Variants in IST1 observed in about 807,000 individuals in gnomAD.
The protein encoded by IST1 is IST1 homolog.
In IST1, 23 loss-of-function variants were observed where a neutral mutation model predicts 37.0. The observed-to-expected ratio is 0.62, with a 90% confidence interval of 0.45 to 0.88. The LOEUF (loss-of-function observed/expected upper bound fraction) is 0.88. IST1 is among the 40% of genes least tolerant of loss of function. The pLI, the probability that IST1 is intolerant of heterozygous loss-of-function variation, is 0.00. For synonymous variants in IST1, 180 were observed against 161.7 expected (o/e 1.11, Z -0.86); for missense variants, 488 against 445.4 (o/e 1.10, Z -0.86).
At chr16:71,907,331 G>T (rs569899214) in intron 1 of IST1, among the ~76,000 whole-genome samples, 3 of 148,808 alleles carry the variant, frequency 2.0e-5, no homozygotes, top group Non-Finnish European at 3.0e-5. Context: ...ATGCTGGAGT[G>T]CAGTGGTGCG....
At chr16:71,905,289 C>G (rs2037198310) in intron 1 of IST1, among the ~76,000 whole-genome samples, 1 of 151,744 alleles carries the variant, frequency 6.6e-6, no homozygotes, top group African/African-American at 2.4e-5. Flanking sequence ...CCACCTTGCC[C>G]TCCCAAAGTG....
At chr16:71,912,191 C>T (rs2037370270) in intron 1 of IST1, among the ~76,000 whole-genome samples, 1 of 152,062 alleles carries the variant, frequency 6.6e-6, no homozygotes, top group Non-Finnish European at 1.5e-5. Context: ...TTTTTCCATA[C>T]AAAATAATTT....
chr16:71,903,793 A>G (rs1009627561), intron 1 of IST1: 2 of 152,366 alleles, frequency 1.3e-5, no homozygotes, highest in African/African-American at 4.8e-5. Context: ...AATGTTCTGT[A>G]AGTGTCAGTG....
Position 71,922,688 on chromosome 16 carries a change from TATA to T in IST1, c.759+9_759+11del. ...CCACTGCCAAAGGGACCAGTAAGTA[TATA>T]TAAGTGTGGATGTAAGCTTTAGAAA... On this transcript the variant is annotated intron_variant, in intron 7 of 9. Transcript: ENST00000378799. 1 of 813,272 alleles carries T rather than the reference TATA, an allele frequency of 1.2e-6. No homozygotes were observed. Among genetic ancestry groups the T allele is most frequent in the Middle Eastern group, 3.7e-4 (1 of 2,728 alleles). The allele number at this position is 813,272 out of a possible 1,614,324, so 50.4% of individuals were successfully genotyped here.
chr16:71,908,304 T>TTTC (rs2037273448), intron 1 of IST1, among the ~76,000 whole-genome samples: 2 of 133,510 alleles, frequency 1.5e-5, no homozygotes, highest in African/African-American at 3.2e-5. Flanking sequence ...AGCTTTTTTT[T>TTTC]TTTTTTTTTT....
chr16:71,908,068 T>C (rs895666582), intron 1 of IST1, among the ~76,000 whole-genome samples: 1 of 152,038 alleles, frequency 6.6e-6, no homozygotes, highest in Admixed American at 6.6e-5. Context: ...CTCAGCCTCC[T>C]GAGAAGCTGG....
intron 4 of IST1, among the ~76,000 whole-genome samples, chr16:71,918,178 C>T (rs2142573549): frequency 6.6e-6 from 1 of 152,254 alleles, no homozygotes; most frequent in East Asian, 1.9e-4. Flanking sequence ...AAGCTGGCTG[C>T]CAGCATTTCT....
At chr16:71,914,794 C>A (rs1376730342) in intron 1 of IST1, among the ~76,000 whole-genome samples, 2 of 152,094 alleles carry the variant, frequency 1.3e-5, no homozygotes, top group Non-Finnish European at 2.9e-5. Flanking sequence ...TTTGACCTAT[C>A]TTTTGTTTGG....
intron 1 of IST1, among the ~76,000 whole-genome samples, chr16:71,898,092 T>C (rs72801778): frequency 0.049 from 7,298 of 149,266 alleles, 241 homozygotes; most frequent in Middle Eastern, 0.15. Flanking sequence ...GAAAAACCCT[T>C]GGCCAGGCAC....
At chr16:71,897,047 TCTCA>T (rs1042107525) in intron 1 of IST1, among the ~76,000 whole-genome samples, 1 of 151,790 alleles carries the variant, frequency 6.6e-6, no homozygotes, top group Non-Finnish European at 1.5e-5. Context: ...CAGACGGGGG[TCTCA>T]CTCTGTTTCC....
rs1294923790 is a variant in IST1 at position 71,916,610 on chromosome 16, G to T, written c.237G>T (p.Leu79=). 2 of 1,613,948 alleles carry T rather than the reference G, an allele frequency of 1.2e-6. No homozygotes were observed. The highest frequency in any genetic ancestry group is 1.7e-6 in the Non-Finnish European group (2 of 1,179,936). Residue 79 remains leucine (L), a synonymous_variant, in exon 3 of 10, where the codon CTG becomes CTT. Transcript: ENST00000378799. ...TCCTGGAGCTGTACTGTGACCTGCTGCTGGCTCGGTTTGGCCTTATCCAGT... is the reference window on the plus strand; with the variant it reads ...TCCTGGAGCTGTACTGTGACCTGCTTCTGGCTCGGTTTGGCCTTATCCAGT... ...MEILELYCDL[L]LARFGLIQSM...
chr16:71,929,740 A>G lies in IST1; in HGVS notation c.*1927A>G. On this transcript the variant is annotated 3_prime_UTR_variant, in exon 10 of 10. Transcript: ENST00000378799. ...TTGAAATTACTGCTAATAGTGGAGT[A>G]AAAAAAGTACCAAAGATTTTTAAAA... 7.2e-7 allele frequency: 1 copy of G among 1,386,428 alleles called. No homozygotes were observed. Among genetic ancestry groups the G allele is most frequent in the Non-Finnish European group, 9.7e-7 (1 of 1,029,714 alleles). The allele number at this position is 1,386,428 out of a possible 1,614,324, so 85.9% of individuals were successfully genotyped here.
At chr16:71,897,219 T>G (rs2036993939) in intron 1 of IST1, among the ~76,000 whole-genome samples, 1 of 150,640 alleles carries the variant, frequency 6.6e-6, no homozygotes, top group South Asian at 2.1e-4. Flanking sequence ...GGAGAGTTTC[T>G]TAATGTTGCC....
intron 4 of IST1, among the ~76,000 whole-genome samples, chr16:71,919,053 C>G (rs1442055609): frequency 6.6e-6 from 1 of 152,026 alleles, no homozygotes; most frequent in African/African-American, 2.4e-5. Flanking sequence ...TTCTTTTAAT[C>G]TATTCACACC....
intron 1 of IST1, among the ~76,000 whole-genome samples, chr16:71,911,351 C>CG (rs1555509653): frequency 1.8e-5 from 1 of 56,484 alleles, no homozygotes; most frequent in Non-Finnish European, 3.2e-5. Context: ...GCTACGTTAC[C>CG]TTTTTTTAAA....
At chr16:71,894,743 C>G (rs1203159618), upstream of IST1, 15 of 760,232 alleles carry the variant, frequency 2.0e-5, 1 homozygote, top group South Asian at 2.4e-4. Context: ...ACTATGGTGT[C>G]CAGGCTGGTC....
intron 4 of IST1, among the ~76,000 whole-genome samples, chr16:71,918,579 G>A (rs2037514936): frequency 6.6e-6 from 1 of 152,028 alleles, no homozygotes; most frequent in Non-Finnish European, 1.5e-5. Context: ...ACCATGCCCA[G>A]CTAATTTTTT....
intron 1 of IST1, among the ~76,000 whole-genome samples, chr16:71,898,902 T>C (rs1177965069): frequency 6.7e-6 from 1 of 149,514 alleles, no homozygotes; most frequent in Non-Finnish European, 1.5e-5. Flanking sequence ...GAGGCGGAGA[T>C]TGCAGTGAGC....
chr16:71,894,928 AG>A (rs1239440351), upstream of IST1: 1 of 1,084,098 alleles, frequency 9.2e-7, no homozygotes, highest in Non-Finnish European at 1.4e-6. Flanking sequence ...TGTGGTGCTG[AG>A]GAAACACTAC....
Sources: allele counts gnomAD v4.1 joint callset (sites outside exome capture counted in the v4.1 genomes callset), GRCh38; gene constraint gnomAD v4.1.1; transcripts MANE v1.5; gene names NCBI Gene and HGNC (gene_info 2026-07-23, HGNC 2026-07-21).